CNTNAP2: variants seen among roughly 807,000 people sequenced by gnomAD.
CNTNAP2 encodes the protein contactin-associated protein-like 2.
Under a neutral mutation model 155.2 loss-of-function variants are expected in CNTNAP2, and 98 were observed. The observed-to-expected ratio is 0.63, with a 90% confidence interval of 0.54 to 0.75. The LOEUF is 0.75. CNTNAP2 is among the 30% of genes least tolerant of loss of function. The pLI is 0.00. For missense variants in CNTNAP2, 1,727 were observed against 1,688.1 expected, an observed-to-expected ratio of 1.02 and a Z score of -0.40; for synonymous variants, 651 against 631.2, an observed-to-expected ratio of 1.03 and a Z score of -0.47.
In CNTNAP2 at chr7:147,493,903, T is replaced by A. The variant is rs151101603; in HGVS notation, c.1777+7862T>A. Among the ~76,000 whole-genome samples the A allele has an allele frequency of 5.6e-3, 855 of 152,276 alleles. 11 individuals are homozygous for A. Among genetic ancestry groups the A allele is most frequent in the African/African-American group, 0.02 (820 of 41,562 alleles). ...TTCTAACCATATGGACAGGGAGAAA[T>A]CAGGGTGAGGTGATGCAACTTCAGC... On this transcript the variant is annotated intron_variant, in intron 11 of 23. Transcript: ENST00000361727.
intron 1 of CNTNAP2, among the ~76,000 whole-genome samples, chr7:146,522,006 A>T (rs1272632448): frequency 1.3e-5 from 2 of 152,046 alleles, no homozygotes; most frequent in Non-Finnish European, 2.9e-5. Context: ...TGCAATTCTC[A>T]GTCATTTTGC....
intron 4 of CNTNAP2, among the ~76,000 whole-genome samples, chr7:147,061,438 T>C (rs541449981): frequency 8.5e-5 from 13 of 152,362 alleles, no homozygotes; most frequent in African/African-American, 3.1e-4. Context: ...TTTATCAGTT[T>C]TAATTTTAAG....
rs549512814 is a variant in CNTNAP2 at position 148,146,013 on chromosome 7, A to C, written c.2555-1478A>C. Among the ~76,000 whole-genome samples, 6 of 152,360 alleles carry C rather than the reference A, an allele frequency of 3.9e-5. No homozygotes were observed. The East Asian group carries it at 1.2e-3, about 29-fold the overall frequency. The stretch of plus-strand genomic sequence containing the variant: ...CCCTGTAGCTCAATAAAGTTAATGC[A>C]GCTTTCCAAGGGGCCCAACACAGAG... On this transcript the variant is annotated intron_variant, in intron 16 of 23. Coordinates refer to ENST00000361727, the MANE Select transcript of CNTNAP2 (RefSeq NM_014141.6).
intron 3 of CNTNAP2, among the ~76,000 whole-genome samples, chr7:146,977,540 T>C (rs1162240468): frequency 6.6e-6 from 1 of 152,128 alleles, no homozygotes; most frequent in East Asian, 1.9e-4. Flanking sequence ...ACTCTGAAGG[T>C]GAAAGATAAT....
chr7:146,153,410 T>A (rs1282779627), intron 1 of CNTNAP2, among the ~76,000 whole-genome samples: 2 of 152,146 alleles, frequency 1.3e-5, no homozygotes, highest in African/African-American at 2.4e-5. Context: ...CATCCACTTT[T>A]ACAAAGTCTG....
chr7:146,308,099 A>T (rs187355819), intron 1 of CNTNAP2, among the ~76,000 whole-genome samples: 87 of 140,376 alleles, frequency 6.2e-4, no homozygotes, highest in African/African-American at 2.1e-3. Flanking sequence ...GCTAATATCC[A>T]GAATCTACAA....
At chr7:147,334,557 G>T (rs1312387122) in intron 9 of CNTNAP2, among the ~76,000 whole-genome samples, 8 of 152,146 alleles carry the variant, frequency 5.3e-5, no homozygotes. Context: ...ATCTCAGTGG[G>T]TTTGGTTATG....
chr7:147,487,756 GT>G (rs1798535894), intron 11 of CNTNAP2, among the ~76,000 whole-genome samples: 2 of 151,976 alleles, frequency 1.3e-5, no homozygotes, highest in Non-Finnish European at 1.5e-5. Flanking sequence ...GGTTTGTTTT[GT>G]TTTTTAAGGG....
chr7:148,203,806 G>A (rs985781041), intron 18 of CNTNAP2, among the ~76,000 whole-genome samples: 1 of 152,132 alleles, frequency 6.6e-6, no homozygotes, highest in Non-Finnish European at 1.5e-5. Context: ...ATAGAAACAA[G>A]TGCAAAACAA....
At chr7:146,472,622 A>G (rs1016809323) in intron 1 of CNTNAP2, among the ~76,000 whole-genome samples, 9 of 152,206 alleles carry the variant, frequency 5.9e-5, no homozygotes, top group African/African-American at 2.2e-4. Context: ...GGAAATATAT[A>G]TGTGTATCCA....
At chr7:146,734,843 C>T (rs917150412) in intron 1 of CNTNAP2, among the ~76,000 whole-genome samples, 5 of 152,070 alleles carry the variant, frequency 3.3e-5, no homozygotes, top group Admixed American at 3.3e-4. Context: ...AAAATTAAAA[C>T]TGTGTCCAAA....
At chr7:146,723,452 A>T (rs983261763) in intron 1 of CNTNAP2, among the ~76,000 whole-genome samples, 1 of 152,192 alleles carries the variant, frequency 6.6e-6, no homozygotes, top group African/African-American at 2.4e-5. Context: ...GGAGTTAGAA[A>T]CCTTTTCATA....
intron 1 of CNTNAP2, among the ~76,000 whole-genome samples, chr7:146,157,730 G>A (rs1443880946): frequency 6.6e-6 from 1 of 152,188 alleles, no homozygotes; most frequent in Non-Finnish European, 1.5e-5. Flanking sequence ...TAAACAAAGT[G>A]GCCAGGAAGC....
chr7:147,631,188 C>A (rs960023133), intron 12 of CNTNAP2, among the ~76,000 whole-genome samples: 19 of 152,186 alleles, frequency 1.2e-4, no homozygotes, highest in Admixed American at 1.1e-3. Flanking sequence ...AACAACCAAG[C>A]TGAGAAACAA....
intron 10 of CNTNAP2, among the ~76,000 whole-genome samples, chr7:147,466,348 T>C (rs1798119206): frequency 6.6e-6 from 1 of 152,196 alleles, no homozygotes; most frequent in Non-Finnish European, 1.5e-5. Context: ...CAATTGTATA[T>C]TGATAATTTC....
intron 1 of CNTNAP2, among the ~76,000 whole-genome samples, chr7:146,236,640 A>G (rs1454763337): frequency 6.6e-6 from 1 of 152,296 alleles, no homozygotes; most frequent in African/African-American, 2.4e-5. Context: ...AGACTTAATA[A>G]CAATTTCATA....
chr7:147,345,506 A>G (rs559413665), intron 9 of CNTNAP2, among the ~76,000 whole-genome samples: 1 of 152,220 alleles, frequency 6.6e-6, no homozygotes, highest in South Asian at 2.1e-4. Context: ...TTTTTTGTTG[A>G]ACTTGTGAAG....
intron 15 of CNTNAP2, among the ~76,000 whole-genome samples, chr7:148,116,913 GT>G (rs1804486642): frequency 6.6e-6 from 1 of 152,158 alleles, no homozygotes; most frequent in Admixed American, 6.5e-5. Flanking sequence ...TACATTTGGA[GT>G]TTAGTATCAG....
At chr7:146,904,016 T>A (rs1585147955) in intron 3 of CNTNAP2, among the ~76,000 whole-genome samples, 1 of 152,220 alleles carries the variant, frequency 6.6e-6, no homozygotes, top group East Asian at 1.9e-4. Flanking sequence ...TAAAGTTAAA[T>A]TTCTTTTAAA....
Sources: gnomAD v4.1 joint callset for allele counts (sites outside exome capture counted in the v4.1 genomes callset) on GRCh38, gnomAD v4.1.1 for gene constraint, MANE v1.5 for transcripts, NCBI Gene and HGNC (gene_info 2026-07-23, HGNC 2026-07-21) for gene names.